The following DIAPH2 variants were observed in gnomAD, a reference collection of about 807,000 sequenced individuals.
DIAPH2 encodes protein diaphanous homolog 2.
In DIAPH2, 35 loss-of-function variants were observed where a neutral mutation model predicts 92.7. The ratio of observed to expected loss-of-function variants is 0.38; its 90% CI spans 0.29 to 0.50. DIAPH2 has a LOEUF of 0.50. Ranked by LOEUF, DIAPH2 falls within the 20% of genes least tolerant of loss-of-function variation. The probability of loss-of-function intolerance (pLI) is 0.94; values close to 1 mark genes in which losing one functional copy is unlikely to be tolerated. For synonymous variants in DIAPH2, 301 were observed against 280.4 expected (o/e 1.07, Z -0.73); for missense variants, 701 against 819.5 (o/e 0.86, Z 1.77).
intron 24 of DIAPH2, among the ~76,000 whole-genome samples, chrX:97,362,130 A>T (rs1223095844): frequency 9.1e-6 from 1 of 110,354 alleles, no homozygotes; most frequent in Non-Finnish European, 1.9e-5. Flanking sequence ...AATCCCAGCT[A>T]CTTCAGAGGC....
chrX:97,165,692 G>A (rs1304559551), intron 22 of DIAPH2, among the ~76,000 whole-genome samples: 6 of 105,671 alleles, frequency 5.7e-5, no homozygotes, highest in Non-Finnish European at 9.7e-5. Context: ...TAGTAGAGAC[G>A]CATTTTCATT....
intron 5 of DIAPH2, among the ~76,000 whole-genome samples, chrX:96,896,927 CT>C (rs745502993): frequency 5.7e-4 from 63 of 111,400 alleles, no homozygotes; most frequent in African/African-American, 2.0e-3. Flanking sequence ...GTTTATTTCA[CT>C]ATAATATAAG....
At chrX:97,347,257 T>A (rs1452613842) in intron 23 of DIAPH2, among the ~76,000 whole-genome samples, 1 of 107,450 alleles carries the variant, frequency 9.3e-6, no homozygotes, top group Non-Finnish European at 1.9e-5. Flanking sequence ...CCTGGCTAAT[T>A]TTTTTGTACT....
At chrX:97,002,011 T>C (rs2066147953) in intron 17 of DIAPH2, among the ~76,000 whole-genome samples, 1 of 110,471 alleles carries the variant, frequency 9.1e-6, no homozygotes. Context: ...AGCTTTTCTG[T>C]TTAAAAAAAA....
intron 26 of DIAPH2, among the ~76,000 whole-genome samples, chrX:97,556,416 C>G (rs2071257644): frequency 1.8e-5 from 2 of 112,307 alleles, no homozygotes. Flanking sequence ...CTTAAAACAA[C>G]AGAAATTTAT....
At chrX:97,422,332 T>A (rs2147770740) in intron 25 of DIAPH2, among the ~76,000 whole-genome samples, 1 of 111,504 alleles carries the variant, frequency 9.0e-6, no homozygotes, top group East Asian at 2.8e-4. Flanking sequence ...GAAATTATAA[T>A]AAAGTGCTCT....
chrX:96,800,850 C>T (rs1452255671), intron 4 of DIAPH2, among the ~76,000 whole-genome samples: 3 of 111,802 alleles, frequency 2.7e-5, no homozygotes, highest in African/African-American at 6.5e-5. Context: ...ATGAAAAATG[C>T]GTGACCTATC....
intron 20 of DIAPH2, among the ~76,000 whole-genome samples, chrX:97,113,627 G>A (rs775224329): frequency 2.5e-4 from 28 of 112,138 alleles, no homozygotes; most frequent in Non-Finnish European, 4.7e-4. Context: ...AATGGGCTAT[G>A]TCTTGATTCT....
chrX:96,992,676 A>G (rs1395784658), intron 17 of DIAPH2, among the ~76,000 whole-genome samples: 1 of 112,263 alleles, frequency 8.9e-6, no homozygotes, highest in Non-Finnish European at 1.9e-5. Flanking sequence ...TTAGCAGGCA[A>G]TGTGCCTTTG....
At chrX:97,034,949 C>T (rs1173592329) in intron 17 of DIAPH2, among the ~76,000 whole-genome samples, 1 of 111,680 alleles carries the variant, frequency 9.0e-6, no homozygotes, top group Admixed American at 9.5e-5. Flanking sequence ...TTTGAGGATA[C>T]CAGTCTACCT....
intron 1 of DIAPH2, among the ~76,000 whole-genome samples, chrX:96,694,888 A>G (rs2063817021): frequency 9.2e-6 from 1 of 108,791 alleles, no homozygotes; most frequent in Non-Finnish European, 1.9e-5. Flanking sequence ...TTTCATTGAC[A>G]TTGCATTAGT....
At chrX:97,521,575 G>A (rs1470349313) in intron 26 of DIAPH2, among the ~76,000 whole-genome samples, 1 of 111,569 alleles carries the variant, frequency 9.0e-6, no homozygotes, top group Non-Finnish European at 1.9e-5. Flanking sequence ...CCAGTGGGAG[G>A]TAATTGAATC....
intron 1 of DIAPH2, among the ~76,000 whole-genome samples, chrX:96,689,561 C>T (rs1446397335): frequency 1.8e-5 from 2 of 109,572 alleles, no homozygotes; most frequent in Non-Finnish European, 3.8e-5. Flanking sequence ...TTCCTTCTGC[C>T]ACCTCCCTTG....
At chrX:97,241,815 T>C (rs1274634529) in intron 22 of DIAPH2, among the ~76,000 whole-genome samples, 1 of 93,918 alleles carries the variant, frequency 1.1e-5, no homozygotes, top group Non-Finnish European at 2.1e-5. Flanking sequence ...CTCACTCTTT[T>C]GCCAGGCTAG....
intron 5 of DIAPH2, among the ~76,000 whole-genome samples, chrX:96,890,360 G>C (rs1000489): frequency 0.013 from 1,476 of 111,983 alleles, 24 homozygotes; most frequent in African/African-American, 0.046. Context: ...ATTTTGAAGA[G>C]TGAGAAGAAT....
chrX:96,936,924 G>A (rs2065661452), intron 10 of DIAPH2, among the ~76,000 whole-genome samples: 1 of 111,679 alleles, frequency 9.0e-6, no homozygotes, highest in Non-Finnish European at 1.9e-5. Flanking sequence ...AGTGTGTTTA[G>A]TCAAAATGAC....
intron 17 of DIAPH2, among the ~76,000 whole-genome samples, chrX:96,973,699 T>C (rs1474147880): frequency 5.4e-5 from 5 of 92,106 alleles, no homozygotes; most frequent in African/African-American, 2.0e-4. Context: ...TTTTTTTTTT[T>C]TTTTTTTTTT....
intron 22 of DIAPH2, among the ~76,000 whole-genome samples, chrX:97,154,347 CAAA>C (rs994416275): frequency 2.4e-4 from 27 of 111,022 alleles, no homozygotes; most frequent in Admixed American, 2.9e-4. Context: ...ACAATAATAT[CAAA>C]AACATAATTC....
chrX:97,414,474 C>T (rs2069918175), intron 25 of DIAPH2, among the ~76,000 whole-genome samples: 1 of 109,827 alleles, frequency 9.1e-6, no homozygotes, highest in South Asian at 4.0e-4. Context: ...CATGGTGAAA[C>T]CCTGTCTCTA....
Sources: allele counts gnomAD v4.1 joint callset (sites outside exome capture counted in the v4.1 genomes callset), GRCh38; gene constraint gnomAD v4.1.1; transcripts MANE v1.5; gene names NCBI Gene and HGNC (gene_info 2026-07-23, HGNC 2026-07-21).